Variants in BNIP2 observed in about 807,000 individuals in gnomAD.
The protein encoded by BNIP2 is BCL2 interacting protein 2, also known as BCL2/adenovirus E1B 19 kDa protein-interacting protein 2.
Under a neutral mutation model 43.4 loss-of-function variants are expected in BNIP2, and 36 were observed. That is an observed-to-expected ratio of 0.83 (90% confidence interval 0.64 to 1.10). BNIP2 has a LOEUF of 1.10. Among genes scored for constraint, BNIP2 ranks in the 50% least tolerant of loss-of-function variants. BNIP2 has a pLI of 0.00. For synonymous variants in BNIP2, 146 were observed against 121.0 expected (o/e 1.21, Z -1.35); for missense variants, 417 against 374.1 (o/e 1.11, Z -0.95).
At chr15:59,673,649 G>T (rs571993389) in intron 5 of BNIP2, among the ~76,000 whole-genome samples, 1 of 152,172 alleles carries the variant, frequency 6.6e-6, no homozygotes, top group African/African-American at 2.4e-5. Context: ...CAGACTGGTC[G>T]TGAACTCCTG....
rs1391613494 is a variant in BNIP2 at position 59,661,349 on chromosome 15, AGAG to A, written c.*2717_*2719del. The A allele has an allele frequency of 4.7e-5, 7 of 147,788 alleles. No individual in the cohort carries two copies. The highest frequency in any genetic ancestry group is 2.7e-4 in the Admixed American group (4 of 14,744). 9.2% of individuals were successfully genotyped at this position (147,788 alleles called of 1,614,324 possible). A position where few individuals can be genotyped will look rare whatever the true frequency, so the allele number is the denominator to read the frequency against. Reference sequence around the variant, plus strand: ...TGTCTCCAAAAAAAAAAAAAAAAAAAGAGAGGGCACACATACAGTGGCATCTTA... The same window carrying A: ...TGTCTCCAAAAAAAAAAAAAAAAAAAAGGGCACACATACAGTGGCATCTTA... On this transcript the variant is annotated 3_prime_UTR_variant, in exon 10 of 10. Transcript: ENST00000607373.
rs1006997677 is a variant in BNIP2, at chr15:59,689,291, G to A, written c.-214C>T. ...AATCCCCCGGCCGCAGCGGTACGGC[G>A]TCGGCGGCAGCAGCTGACCCGGACA... On this transcript the variant is annotated 5_prime_UTR_variant, in exon 1 of 10. It adds an upstream start codon to the 5' untranslated region. Transcript: ENST00000607373. The A allele has an allele frequency of 1.3e-6, 2 of 1,544,204 alleles. No individual in the cohort carries two copies. The highest frequency in any genetic ancestry group is 1.7e-4 in the Middle Eastern group (1 of 5,952).
rs1336089092 is a variant in BNIP2 at position 59,663,034 on chromosome 15, ACAC to A, written c.*1032_*1034del. 2.0e-5 allele frequency: 3 copies of A among 152,666 alleles called. No individual in the cohort carries two copies. Among genetic ancestry groups the A allele is most frequent in the Non-Finnish European group, 4.4e-5 (3 of 68,040 alleles). The allele number at this position is 152,666 out of a possible 1,614,324, so 9.5% of individuals were successfully genotyped here. On this transcript the variant is annotated 3_prime_UTR_variant, in exon 10 of 10. Transcript: ENST00000607373. ...CATGATTTCATACAAACTTGAATAA[ACAC>A]CACATCTAACTAGGTCAAACAACTA...
At position 59,671,289 on chromosome 15, in the gene BNIP2, A is replaced by AGCTCCTGCTACTAG. The variant is rs1892892960; in HGVS notation, c.600_601insCTAGTAGCAGGAGC (p.Glu204GlyfsTer3). Reference sequence around the variant, plus strand: ...ACTATCATGTAGTTTTCTGCTACTAATAGCTCCAAAGTGCCAATAACATAT... The same window carrying AGCTCCTGCTACTAG: ...ACTATCATGTAGTTTTCTGCTACTAAGCTCCTGCTACTAGTAGCTCCAAAGTGCCAATAACATAT... On this transcript the variant is annotated frameshift_variant, in exon 7 of 10. Transcript: ENST00000607373. LOFTEE classifies it high-confidence loss of function. 6.3e-7 allele frequency: 1 copy of AGCTCCTGCTACTAG among 1,589,230 alleles called. No individual in the cohort carries two copies. The highest frequency in any genetic ancestry group is 8.6e-7 in the Non-Finnish European group (1 of 1,165,992).
At chr15:59,681,997 T>A (rs1235739398) in intron 2 of BNIP2, among the ~76,000 whole-genome samples, 1 of 151,692 alleles carries the variant, frequency 6.6e-6, no homozygotes, top group Non-Finnish European at 1.5e-5. Context: ...GAAACTTTAC[T>A]TCCTAGTATC....
intron 6 of BNIP2, chr15:59,672,376 TGA>T: frequency 3.6e-6 from 1 of 277,690 alleles, no homozygotes; most frequent in Non-Finnish European, 6.8e-6. Context: ...TGGGCTCAGG[TGA>T]TACTTCCACC....
At position 59,688,706 on chromosome 15, in the gene BNIP2, C is replaced by G. The variant is rs1243699259; in HGVS notation, c.-58+429G>C. The G allele has an allele frequency of 6.5e-6, 10 of 1,535,346 alleles. No individual in the cohort carries two copies. In the African/African-American group the frequency reaches 6.8e-5, roughly 11 times the overall value. On this transcript the variant is annotated intron_variant, in intron 1 of 9. Transcript: ENST00000607373. ...CTGATTACTTATGCTGCTTCCGTGT[C>G]TATTCCCCGCGGTTACGAGGCATAC...
intron 5 of BNIP2, among the ~76,000 whole-genome samples, chr15:59,674,868 C>T (rs1163301899): frequency 6.6e-6 from 1 of 152,168 alleles, no homozygotes; most frequent in Admixed American, 6.5e-5. Context: ...TTCTTAAGGG[C>T]AGGGACTTAA....
chr15:59,670,384 T>C (rs1311655142), intron 7 of BNIP2, among the ~76,000 whole-genome samples: 4 of 152,146 alleles, frequency 2.6e-5, no homozygotes, highest in Non-Finnish European at 2.9e-5. Context: ...TGAGCAGAGA[T>C]TGCACCACTG....
intron 2 of BNIP2, among the ~76,000 whole-genome samples, chr15:59,681,448 A>C (rs1893664342): frequency 2.7e-5 from 4 of 146,888 alleles, no homozygotes; most frequent in African/African-American, 9.9e-5. Context: ...GGAACCCACA[A>C]ATTTTTTTTT....
At chr15:59,678,544 C>T (rs1893456693) in intron 4 of BNIP2, 2 of 1,078,490 alleles carry the variant, frequency 1.9e-6, no homozygotes, top group Admixed American at 1.0e-4. Flanking sequence ...GTTAACTACT[C>T]AATGATCACT....
At chr15:59,680,441 G>C (rs1273683825) in intron 2 of BNIP2, 133 bp from the exon 3 acceptor site, 1 of 647,912 alleles carries the variant, frequency 1.5e-6, no homozygotes, top group Non-Finnish European at 2.4e-6. Context: ...TTGTTTTTGA[G>C]ACAGGGTCTT....
At position 59,669,266 on chromosome 15, in the gene BNIP2, C is replaced by G. The variant is rs756620444; in HGVS notation, c.794+10G>C. The G allele has an allele frequency of 6.6e-7, 1 of 1,525,616 alleles. No individual in the cohort carries two copies. Among genetic ancestry groups the G allele is most frequent in the South Asian group, 1.3e-5 (1 of 76,080 alleles). 94.5% of individuals were successfully genotyped at this position (1,525,616 alleles called of 1,614,324 possible). A position where few individuals can be genotyped will look rare whatever the true frequency, so the allele number is the denominator to read the frequency against. On this transcript the variant is annotated intron_variant, in intron 8 of 9. Transcript: ENST00000607373. ...AAATAAAATTAAAGTCAATGGCTCT[C>G]AAAAATTACCTAATAAATGGTCTTG... is the stretch of plus-strand genomic sequence containing the variant.
At chr15:59,668,128 C>G in intron 9 of BNIP2, 2 of 1,293,924 alleles carry the variant, frequency 1.5e-6, no homozygotes, top group Non-Finnish European at 2.0e-6. Flanking sequence ...TTAAACTTTT[C>G]TTCTTCATAC....
chr15:59,663,183 C>T lies in BNIP2; in HGVS notation c.*886G>A, dbSNP rs1892367670. 1 of 152,590 alleles carries T rather than the reference C, an allele frequency of 6.6e-6. No homozygotes were observed. The highest frequency in any genetic ancestry group is 2.1e-4 in the South Asian group (1 of 4,834). The allele number at this position is 152,590 out of a possible 1,614,324, so 9.5% of individuals were successfully genotyped here. On this transcript the variant is annotated 3_prime_UTR_variant, in exon 10 of 10. Transcript: ENST00000607373. ...AGTGAATAACTCATCACATTCTCTGCAATACTACTCAGCACTCATATACAC... is the reference window on the plus strand; with the variant it reads ...AGTGAATAACTCATCACATTCTCTGTAATACTACTCAGCACTCATATACAC...
In BNIP2 at chr15:59,664,163, A is replaced by G. The variant is rs1348321696; in HGVS notation, c.894-43T>C. 1.5e-5 allele frequency: 19 copies of G among 1,294,680 alleles called. No homozygotes were observed. The Admixed American group carries it at 4.3e-4, about 29-fold the overall frequency. The allele number at this position is 1,294,680 out of a possible 1,614,324, so 80.2% of individuals were successfully genotyped here. On this transcript the variant is annotated intron_variant, in intron 9 of 9. Transcript: ENST00000607373. ...TATAAAATAAGAAACCAGCAACTGA[A>G]CAATTTTCTTTCTAAAAATAATGAC...
intron 1 of BNIP2, among the ~76,000 whole-genome samples, chr15:59,686,251 T>C (rs1251239005): frequency 1.3e-5 from 2 of 152,204 alleles, no homozygotes; most frequent in African/African-American, 4.8e-5. Flanking sequence ...AAAAATTAAA[T>C]GTTAAGATCA....
chr15:59,672,681 T>C lies in BNIP2; in HGVS notation c.531A>G (p.Glu177=). The change falls in exon 6 of 10, where the codon GAA becomes GAG. Residue 177 remains glutamate (E), a synonymous_variant. Coordinates refer to ENST00000607373, the MANE Select transcript of BNIP2 (RefSeq NM_004330.4). ...GGTATCTATAGTTAGGCTGACTACT[T>C]TCAGGCATGAAACAGACAGCAAACA... ...IVVFAVCFMP[E]SSQPNYRYLM... 1 of 1,613,860 alleles carries C rather than the reference T, an allele frequency of 6.2e-7. No homozygotes were observed. Among genetic ancestry groups the C allele is most frequent in the Non-Finnish European group, 8.5e-7 (1 of 1,179,826 alleles).
intron 1 of BNIP2, among the ~76,000 whole-genome samples, chr15:59,683,188 T>C (rs1293850779): frequency 6.7e-6 from 1 of 149,946 alleles, no homozygotes; most frequent in Admixed American, 6.7e-5. Context: ...ACATATGCCA[T>C]GAACTTTAGT....
Sources: gnomAD v4.1 joint callset for allele counts (sites outside exome capture counted in the v4.1 genomes callset) on GRCh38, gnomAD v4.1.1 for gene constraint, MANE v1.5 for transcripts, NCBI Gene and HGNC (gene_info 2026-07-23, HGNC 2026-07-21) for gene names.